SVOP: variants seen among roughly 807,000 people sequenced by gnomAD.
SVOP encodes synaptic vesicle 2-related protein.
SVOP carries 17 observed loss-of-function variants against 69.1 expected under a neutral mutation model. That is an observed-to-expected ratio of 0.25 (90% CI 0.17 to 0.37). SVOP has a LOEUF of 0.37. Among genes scored for constraint, SVOP ranks in the 10% least tolerant of loss-of-function variants. The pLI is 1.00. For missense variants in SVOP, 435 were observed against 597.5 expected (o/e 0.73, Z 2.84); for synonymous variants, 238 against 238.6 (o/e 1.00, Z 0.02).
At chr12:108,939,430 G>T (rs1450238026) in intron 8 of SVOP, among the ~76,000 whole-genome samples, 3 of 152,202 alleles carry the variant, frequency 2.0e-5, no homozygotes, top group Non-Finnish European at 4.4e-5. Flanking sequence ...TGCAAACTCA[G>T]TTCAAGAGAA....
At position 108,978,518 on chromosome 12, in the gene SVOP, C is replaced by T. The variant is rs1209854280; in HGVS notation, c.282+60G>A. Reference sequence around the variant, plus strand: ...GTCCTTCCTTGTAGGCCATGGAAACCCAGTTGAGCAGCATGGGGGTTTCTT... The same window carrying T: ...GTCCTTCCTTGTAGGCCATGGAAACTCAGTTGAGCAGCATGGGGGTTTCTT... On this transcript the variant is annotated intron_variant, in intron 3 of 15. Coordinates refer to ENST00000610966, the MANE Select transcript of SVOP (RefSeq NM_018711.5). 3.6e-5 allele frequency: 25 copies of T among 689,924 alleles called. No homozygotes were observed. In the East Asian group the frequency reaches 6.0e-4, roughly 17 times the overall value. 42.7% of individuals were successfully genotyped at this position (689,924 alleles called of 1,614,324 possible). A position where few individuals can be genotyped will look rare whatever the true frequency, so the allele number is the denominator to read the frequency against.
chr12:108,933,867 T>C (rs2039838967), intron 11 of SVOP, among the ~76,000 whole-genome samples: 1 of 152,146 alleles, frequency 6.6e-6, no homozygotes, highest in African/African-American at 2.4e-5. Context: ...CTGTTTCTGT[T>C]TTCTTCAGCT....
intron 1 of SVOP, among the ~76,000 whole-genome samples, chr12:109,011,196 C>T (rs1436841156): frequency 6.6e-6 from 1 of 152,118 alleles, no homozygotes; most frequent in African/African-American, 2.4e-5. Context: ...GGATTATAGA[C>T]GAGGGCCACT....
intron 2 of SVOP, among the ~76,000 whole-genome samples, chr12:108,982,326 CCAT>C (rs1483987726): frequency 4.1e-5 from 6 of 147,760 alleles, no homozygotes; most frequent in Admixed American, 6.8e-5. Context: ...ATCATCATCA[CCAT>C]CATCATCATC....
In SVOP at chr12:108,928,411, T is replaced by C. The variant is rs561687774; in HGVS notation, c.1049-5614A>G. Among the ~76,000 whole-genome samples the C allele has an allele frequency of 1.6e-4, 24 of 152,264 alleles. No homozygotes were observed. The South Asian group carries it at 3.9e-3, about 25-fold the overall frequency. On this transcript the variant is annotated intron_variant, in intron 11 of 15. Transcript: ENST00000610966. ...GATTTCTTATCACCCTGGCCTGTGA[T>C]GGGGTTCAGGACATGCCAACCCTCA... is the stretch of plus-strand genomic sequence containing the variant.
chr12:108,923,520 A>T lies in SVOP; in HGVS notation c.1049-723T>A, dbSNP rs1216574152. Reference sequence around the variant, plus strand: ...CAGTTGAGCTTCCAGATGAGAACACAGACCTCCAGTCCTGGCTGATGCCTT... The same window carrying T: ...CAGTTGAGCTTCCAGATGAGAACACTGACCTCCAGTCCTGGCTGATGCCTT... On this transcript the variant is annotated intron_variant, in intron 11 of 15. Transcript: ENST00000610966. Among the ~76,000 whole-genome samples the T allele has an allele frequency of 8.5e-5, 13 of 152,082 alleles. 1 individual carries two copies. Among genetic ancestry groups the T allele is most frequent in the Admixed American group, 8.5e-4 (13 of 15,268 alleles).
intron 1 of SVOP, among the ~76,000 whole-genome samples, chr12:109,004,958 G>A (rs954682646): frequency 1.3e-5 from 2 of 151,926 alleles, no homozygotes; most frequent in Admixed American, 6.6e-5. Flanking sequence ...GGCTGGTCTC[G>A]AACTCCTGAC....
chr12:108,916,077 C>T (rs1043590796), intron 14 of SVOP, among the ~76,000 whole-genome samples: 8 of 152,152 alleles, frequency 5.3e-5, no homozygotes, highest in Admixed American at 1.3e-4. Context: ...GGCTGAGCTG[C>T]GGGTGGGAAC....
intron 1 of SVOP, among the ~76,000 whole-genome samples, chr12:108,984,345 CAT>C (rs2040156478): frequency 6.6e-6 from 1 of 152,168 alleles, no homozygotes; most frequent in African/African-American, 2.4e-5. Flanking sequence ...GGAAAATTCA[CAT>C]AAAAAGCCAG....
At chr12:108,923,429 G>A (rs920165952) in intron 11 of SVOP, among the ~76,000 whole-genome samples, 2 of 152,110 alleles carry the variant, frequency 1.3e-5, no homozygotes, top group Non-Finnish European at 2.9e-5. Context: ...GAAGCTCTCA[G>A]TCCTACAACC....
At chr12:108,981,942 C>G (rs1370344533) in intron 2 of SVOP, among the ~76,000 whole-genome samples, 1 of 152,054 alleles carries the variant, frequency 6.6e-6, no homozygotes, top group Non-Finnish European at 1.5e-5. Context: ...TCACCATCAT[C>G]ACCACCACCG....
intron 9 of SVOP, among the ~76,000 whole-genome samples, chr12:108,938,225 C>T (rs950515180): frequency 6.6e-6 from 1 of 152,196 alleles, no homozygotes; most frequent in African/African-American, 2.4e-5. Flanking sequence ...AGGTATTTGT[C>T]ATGTTTCTTC....
At chr12:108,937,443 A>C (rs1281374867) in intron 9 of SVOP, 106 bp from the exon 10 acceptor site, 2 of 1,077,556 alleles carry the variant, frequency 1.9e-6, no homozygotes. Flanking sequence ...GAAGGTTTCT[A>C]GTAAGTAGGA....
At chr12:109,008,144 C>A (rs1052796215) in intron 1 of SVOP, among the ~76,000 whole-genome samples, 2 of 152,132 alleles carry the variant, frequency 1.3e-5, no homozygotes, top group African/African-American at 4.8e-5. Flanking sequence ...GACCCTGGCT[C>A]AAGTAGCTCC....
At chr12:108,996,070 A>C (rs1266063193) in intron 1 of SVOP, among the ~76,000 whole-genome samples, 4 of 152,160 alleles carry the variant, frequency 2.6e-5, no homozygotes, top group African/African-American at 9.7e-5. Flanking sequence ...CTCATTATTA[A>C]ATGTGCTATA....
intron 8 of SVOP, among the ~76,000 whole-genome samples, chr12:108,940,048 G>A (rs1433408877): frequency 1.3e-5 from 2 of 152,174 alleles, no homozygotes; most frequent in African/African-American, 4.8e-5. Flanking sequence ...TACTGAACTT[G>A]TGGGCTTTAT....
chr12:109,016,604 G>T (rs2040369088), intron 1 of SVOP, among the ~76,000 whole-genome samples: 1 of 151,964 alleles, frequency 6.6e-6, no homozygotes, highest in Non-Finnish European at 1.5e-5. Flanking sequence ...TCTTCTTCCT[G>T]GAATGTTCTT....
intron 1 of SVOP, among the ~76,000 whole-genome samples, chr12:109,004,844 T>A (rs2040296115): frequency 1.3e-5 from 2 of 151,964 alleles, no homozygotes; most frequent in African/African-American, 4.8e-5. Flanking sequence ...TTCTAGTGAT[T>A]CTCCTGCCTC....
chr12:108,976,591 G>A (rs142270727), intron 4 of SVOP, among the ~76,000 whole-genome samples: 66 of 150,104 alleles, frequency 4.4e-4, no homozygotes, highest in African/African-American at 1.6e-3. Flanking sequence ...ATCCAGCCTG[G>A]CCATTCCTCT....
Sources: allele counts gnomAD v4.1 joint callset (sites outside exome capture counted in the v4.1 genomes callset), GRCh38; gene constraint gnomAD v4.1.1; transcripts MANE v1.5; gene names NCBI Gene and HGNC (gene_info 2026-07-23, HGNC 2026-07-21).